KIF9: variants seen among roughly 807,000 people sequenced by gnomAD.
KIF9 encodes kinesin family member 9.
Under a neutral mutation model 94.8 loss-of-function variants are expected in KIF9, and 68 were observed. That is an observed-to-expected ratio of 0.72 (90% CI 0.59 to 0.88). The LOEUF is 0.88. KIF9 is among the 40% of genes least tolerant of loss of function. KIF9 has a pLI of 0.00. For missense variants in KIF9, 882 were observed against 982.5 expected (o/e 0.90, Z 1.37); for synonymous variants, 343 against 362.1 (o/e 0.95, Z 0.60).
rs898811443 is a variant in KIF9, at chr3:47,282,155, C to G, written c.-6+340G>C. ...GTTTCCTCACCTGTAACACGAAGGG[C>G]TCCGACTGGTGATCCCAAAGCCCCC... On this transcript the variant is annotated intron_variant, in intron 1 of 20. Coordinates refer to ENST00000684063, the MANE Select transcript of KIF9 (RefSeq NM_182902.4). 22 of 979,412 alleles carry G rather than the reference C, an allele frequency of 2.2e-5. 1 individual carries two copies. The highest frequency in any genetic ancestry group is 2.4e-5 in the Non-Finnish European group (20 of 824,572). The allele number at this position is 979,412 out of a possible 1,614,324, so 60.7% of individuals were successfully genotyped here.
intron 9 of KIF9, among the ~76,000 whole-genome samples, chr3:47,259,525 G>T (rs2107372958): frequency 6.6e-6 from 1 of 152,334 alleles, no homozygotes; most frequent in African/African-American, 2.4e-5. Flanking sequence ...CAGATAATGG[G>T]TAGGTAAGTG....
chr3:47,238,949 C>G (rs538306002), intron 17 of KIF9, among the ~76,000 whole-genome samples: 1 of 152,208 alleles, frequency 6.6e-6, no homozygotes, highest in East Asian at 1.9e-4. Context: ...AGGCGTGAGC[C>G]ACCGCGCCCA....
At chr3:47,235,797 A>G (rs112253265) in intron 19 of KIF9, among the ~76,000 whole-genome samples, 180 bp from the exon 20 acceptor site, 151 of 152,286 alleles carry the variant, frequency 9.9e-4, no homozygotes, top group African/African-American at 3.4e-3. Context: ...ACAACCTGTA[A>G]CTGCTGCCTG....
chr3:47,277,052 TATTA>T, intron 2 of KIF9: 2 of 364,752 alleles, frequency 5.5e-6, no homozygotes, highest in African/African-American at 2.1e-5. Context: ...AAGGTAAACT[TATTA>T]ATTTATTAAA....
chr3:47,237,982 T>C (rs1699161098), intron 17 of KIF9, among the ~76,000 whole-genome samples: 1 of 152,240 alleles, frequency 6.6e-6, no homozygotes, highest in Non-Finnish European at 1.5e-5. Context: ...TCTATGAAGA[T>C]GGGGAGTAAC....
At chr3:47,256,535 C>T (rs1187727965) in intron 10 of KIF9, among the ~76,000 whole-genome samples, 9 of 151,530 alleles carry the variant, frequency 5.9e-5, no homozygotes, top group Admixed American at 1.3e-4. Context: ...GTCGGCCCCC[C>T]GCCCGGCCGG....
At chr3:47,266,607 T>C (rs375715432) in intron 7 of KIF9, among the ~76,000 whole-genome samples, 1 of 152,186 alleles carries the variant, frequency 6.6e-6, no homozygotes, top group African/African-American at 2.4e-5. Context: ...TTTGTGCTAC[T>C]GTACCCCAGC....
In KIF9 at chr3:47,245,298, G is replaced by A. The variant is rs1183927793; in HGVS notation, c.1380+123C>T. The stretch of plus-strand genomic sequence containing the variant: ...ACACAGGTCACCTGTGTTCATTCTG[G>A]TGTTACCTTTATCTGTTGCAATCCT... On this transcript the variant is annotated intron_variant, in intron 14 of 20. Coordinates refer to ENST00000684063, the MANE Select transcript of KIF9 (RefSeq NM_182902.4). 1.0e-5 allele frequency: 8 copies of A among 788,286 alleles called. No individual in the cohort carries two copies. In the African/African-American group the frequency reaches 1.2e-4, roughly 12 times the overall value. 48.8% of individuals were successfully genotyped at this position (788,286 alleles called of 1,614,324 possible).
At chr3:47,275,579 G>T in intron 2 of KIF9, 89 bp from the exon 3 acceptor site, 1 of 943,522 alleles carries the variant, frequency 1.1e-6, no homozygotes, top group Non-Finnish European at 1.6e-6. Context: ...CTAATCTGGA[G>T]GGAACAGAGG....
At chr3:47,271,143 CAAAAAA>C in intron 5 of KIF9, 88 bp downstream of exon 5, 1 of 871,550 alleles carries the variant, frequency 1.1e-6, no homozygotes, top group Non-Finnish European at 1.8e-6. Context: ...GATCCTGTCT[CAAAAAA>C]AGAAAAAGAA....
intron 1 of KIF9, among the ~76,000 whole-genome samples, chr3:47,279,160 CAA>C (rs55779664): frequency 0.024 from 1,307 of 54,934 alleles, 19 homozygotes; most frequent in African/African-American, 0.074. Flanking sequence ...GACCATATCT[CAA>C]AAAAAAAAAA....
At chr3:47,250,129 T>G (rs1700176637) in intron 10 of KIF9, among the ~76,000 whole-genome samples, 1 of 152,198 alleles carries the variant, frequency 6.6e-6, no homozygotes, top group South Asian at 2.1e-4. Flanking sequence ...TAGCACATTT[T>G]GCCTTTTAAC....
At chr3:47,256,710 G>A (rs1365567956) in intron 10 of KIF9, among the ~76,000 whole-genome samples, 1 of 152,224 alleles carries the variant, frequency 6.6e-6, no homozygotes, top group African/African-American at 2.4e-5. Flanking sequence ...AGGGGGGAAG[G>A]GTGGGGAAAG....
At chr3:47,232,980 C>CAAA (rs1162797241) in intron 20 of KIF9, among the ~76,000 whole-genome samples, 1 of 48,606 alleles carries the variant, frequency 2.1e-5, no homozygotes, top group Non-Finnish European at 4.1e-5. Context: ...GACTCCATCT[C>CAAA]AAAAAAAAAA....
rs751777022 is a variant in KIF9, at chr3:47,277,341, G to A, written c.34C>T (p.Arg12Cys). The A allele has an allele frequency of 5.1e-5, 83 of 1,613,566 alleles. No homozygotes were observed. Among genetic ancestry groups the A allele is most frequent in the Middle Eastern group, 4.9e-4 (3 of 6,084 alleles). The change falls in exon 2 of 21, where the codon CGT becomes TGT. Residue 12 changes from arginine to cysteine, a missense_variant. By Grantham distance (180) the Arg-to-Cys change is radical. Coordinates refer to ENST00000684063, the MANE Select transcript of KIF9 (RefSeq NM_182902.4). ...GTRKKVHAFVRVKPTDDFAHE... is the reference protein window; with the variant it reads ...GTRKKVHAFVCVKPTDDFAHE... Reference sequence around the variant, plus strand: ...GCAAAGTCATCGGTGGGTTTGACACGGACAAATGCATGAACTTTTTTCCTA... The same window carrying A: ...GCAAAGTCATCGGTGGGTTTGACACAGACAAATGCATGAACTTTTTTCCTA...
chr3:47,240,077 C>T (rs909201366), intron 17 of KIF9: 4 of 501,886 alleles, frequency 8.0e-6, no homozygotes, highest in Non-Finnish European at 1.3e-5. Flanking sequence ...GGAATCTGCA[C>T]TTGACCAGCC....
In KIF9 at chr3:47,228,614, T is replaced by C; in HGVS notation, c.*38A>G. The C allele has an allele frequency of 6.4e-7, 1 of 1,556,068 alleles. No individual in the cohort carries two copies. Among genetic ancestry groups the C allele is most frequent in the East Asian group, 2.2e-5 (1 of 44,596 alleles). ...GCAGCTCCACTACAGTAGGTGGGAG[T>C]TGCTGGTCTTGTCCTTTAAGGTACT... On this transcript the variant is annotated 3_prime_UTR_variant, in exon 21 of 21. Transcript: ENST00000684063.
rs1320437445 is a variant in KIF9 at position 47,248,087 on chromosome 3, CT to C, written c.1060-2del. On this transcript the variant is annotated splice_acceptor_variant, in intron 10 of 20. Transcript: ENST00000684063. LOFTEE classifies it high-confidence loss of function. The stretch of plus-strand genomic sequence containing the variant: ...CCTTCTCCAGGTTCTTGACCATTCT[CT>C]GCCGGGAAACATGGTAGGGTGGGGG... The C allele has an allele frequency of 3.7e-6, 6 of 1,612,958 alleles. No homozygotes were observed. Among genetic ancestry groups the C allele is most frequent in the Admixed American group, 1.7e-5 (1 of 59,942 alleles).
At chr3:47,235,314 C>T (rs1292126791) in intron 20 of KIF9, among the ~76,000 whole-genome samples, 199 bp downstream of exon 20, 1 of 152,216 alleles carries the variant, frequency 6.6e-6, no homozygotes, top group Non-Finnish European at 1.5e-5. Context: ...ATGTCCTGGC[C>T]TGGCCGTGGT....
Sources: gnomAD v4.1 joint callset for allele counts (sites outside exome capture counted in the v4.1 genomes callset) on GRCh38, gnomAD v4.1.1 for gene constraint, MANE v1.5 for transcripts, NCBI Gene and HGNC (gene_info 2026-07-23, HGNC 2026-07-21) for gene names.